STXBP6: variants seen among roughly 807,000 people sequenced by gnomAD.
STXBP6 encodes syntaxin binding protein 6.
Under a neutral mutation model 26.9 loss-of-function variants are expected in STXBP6, and 21 were observed. The observed-to-expected ratio is 0.78, with a 90% CI of 0.55 to 1.12. The LOEUF is 1.12. Ranked by LOEUF, STXBP6 falls within the 50% of genes most tolerant of loss-of-function variation. The pLI is 0.00. For synonymous variants in STXBP6, 97 were observed against 92.6 expected (o/e 1.05, Z -0.27); for missense variants, 232 against 257.9 (o/e 0.90, Z 0.69).
At chr14:24,909,094 T>C (rs1245037391) in intron 2 of STXBP6, among the ~76,000 whole-genome samples, 2 of 152,262 alleles carry the variant, frequency 1.3e-5, no homozygotes, top group African/African-American at 4.8e-5. Context: ...ACAGAGTCAC[T>C]GACGTATTTC....
intron 1 of STXBP6, among the ~76,000 whole-genome samples, chr14:25,017,076 T>C (rs1416976064): frequency 6.6e-6 from 1 of 152,156 alleles, no homozygotes; most frequent in African/African-American, 2.4e-5. Flanking sequence ...AGGTATAAAG[T>C]AGTATCTCTA....
At chr14:24,910,584 A>G (rs80183645) in intron 2 of STXBP6, among the ~76,000 whole-genome samples, 6,305 of 151,944 alleles carry the variant, frequency 0.041, 169 homozygotes, top group Non-Finnish European at 0.059. Flanking sequence ...CTTAAAATCA[A>G]TATCTTTAAG....
chr14:24,920,274 AT>A (rs2071932894), intron 2 of STXBP6, among the ~76,000 whole-genome samples: 1 of 152,124 alleles, frequency 6.6e-6, no homozygotes, highest in African/African-American at 2.4e-5. Context: ...GATTTTAAAA[AT>A]AAAGGTGTGT....
chr14:25,006,223 T>C (rs534044899), intron 1 of STXBP6, among the ~76,000 whole-genome samples: 2 of 152,324 alleles, frequency 1.3e-5, no homozygotes, highest in Non-Finnish European at 2.9e-5. Flanking sequence ...GTCACCCCTT[T>C]GCTGGAATTC....
chr14:24,926,401 G>A (rs10150527), intron 2 of STXBP6, among the ~76,000 whole-genome samples: 39,478 of 151,886 alleles, frequency 0.26, 5,605 homozygotes, highest in African/African-American at 0.39. Context: ...ATCTCTCTCT[G>A]CCATGTAGAA....
rs543038899 is a variant in STXBP6 at position 24,911,178 on chromosome 14, C to CA, written c.155-54022dup. Among the ~76,000 whole-genome samples the CA allele has an allele frequency of 1.1e-3, 164 of 150,496 alleles. No homozygotes were observed. The Middle Eastern group carries it at 0.014, about 12-fold the overall frequency. ...TGTCTCTACAAAAACAAACAAAAAA[C>CA]AAAAAAAAATTATCCAGGCATACTG... On this transcript the variant is annotated intron_variant, in intron 2 of 5. Coordinates refer to ENST00000323944, the MANE Select transcript of STXBP6 (RefSeq NM_001394410.1).
chr14:25,023,713 T>C (rs2075299326), intron 1 of STXBP6, among the ~76,000 whole-genome samples: 1 of 151,974 alleles, frequency 6.6e-6, no homozygotes, highest in South Asian at 2.1e-4. Context: ...GGACAATCAC[T>C]TGAGCCAAGA....
intron 1 of STXBP6, among the ~76,000 whole-genome samples, chr14:24,988,602 T>C (rs1049550864): frequency 6.6e-6 from 1 of 152,200 alleles, no homozygotes; most frequent in Admixed American, 6.5e-5. Flanking sequence ...ATGCAACATT[T>C]CAATAAGCTG....
chr14:24,973,669 G>A (rs778055799), intron 2 of STXBP6, among the ~76,000 whole-genome samples: 2 of 152,052 alleles, frequency 1.3e-5, no homozygotes, highest in East Asian at 1.9e-4. Context: ...TTATAGGCAT[G>A]AGCCACCGCG....
intron 2 of STXBP6, among the ~76,000 whole-genome samples, chr14:24,970,270 T>C (rs1018265475): frequency 6.6e-6 from 1 of 151,922 alleles, no homozygotes; most frequent in Non-Finnish European, 1.5e-5. Context: ...TTCATTGAAA[T>C]TTATTTATAT....
At chr14:24,979,759 T>C (rs558103916) in intron 1 of STXBP6, among the ~76,000 whole-genome samples, 12 of 152,160 alleles carry the variant, frequency 7.9e-5, no homozygotes, top group Non-Finnish European at 8.8e-5. Context: ...GTGGATTTGA[T>C]TTAATATTTC....
chr14:25,016,859 T>C (rs2075160024), intron 1 of STXBP6, among the ~76,000 whole-genome samples: 1 of 152,160 alleles, frequency 6.6e-6, no homozygotes, highest in Non-Finnish European at 1.5e-5. Context: ...TCTAATTACA[T>C]GTGTATTTGG....
At chr14:24,818,724 C>T (rs115171444) in intron 5 of STXBP6, among the ~76,000 whole-genome samples, 2,302 of 152,156 alleles carry the variant, frequency 0.015, 70 homozygotes, top group African/African-American at 0.053. Context: ...TCTCCCCGAC[C>T]CCCTGTTCTG....
At chr14:24,874,418 A>G (rs1043574633) in intron 2 of STXBP6, among the ~76,000 whole-genome samples, 1 of 152,022 alleles carries the variant, frequency 6.6e-6, no homozygotes, top group Admixed American at 6.6e-5. Context: ...AAGAGTGTGG[A>G]AAGCCCCTTG....
intron 2 of STXBP6, among the ~76,000 whole-genome samples, chr14:24,959,948 T>C (rs1260578197): frequency 6.6e-6 from 1 of 152,218 alleles, no homozygotes; most frequent in African/African-American, 2.4e-5. Context: ...AAGTCACAGA[T>C]GTTTACATCT....
chr14:25,001,639 T>C (rs1033511346), intron 1 of STXBP6, among the ~76,000 whole-genome samples: 1 of 152,254 alleles, frequency 6.6e-6, no homozygotes, highest in Non-Finnish European at 1.5e-5. Context: ...TTGTCTATTT[T>C]TTTCCATTAG....
intron 1 of STXBP6, among the ~76,000 whole-genome samples, chr14:24,996,545 T>TA (rs1008304885): frequency 1.3e-5 from 2 of 150,932 alleles, no homozygotes; most frequent in Non-Finnish European, 1.5e-5. Context: ...CTTCTCTCCT[T>TA]AAAAAAAATA....
chr14:25,029,780 T>C (rs1483549825), intron 1 of STXBP6, among the ~76,000 whole-genome samples: 4 of 152,150 alleles, frequency 2.6e-5, no homozygotes, highest in Non-Finnish European at 5.9e-5. Flanking sequence ...GGAAAAAGAA[T>C]GTATAATCCC....
intron 4 of STXBP6, chr14:24,819,467 A>C: frequency 1.7e-6 from 1 of 582,558 alleles, no homozygotes; most frequent in Non-Finnish European, 3.1e-6. Flanking sequence ...TTCTGCCAGT[A>C]TTCTATCTGT....
Sources: allele counts gnomAD v4.1 joint callset (sites outside exome capture counted in the v4.1 genomes callset), GRCh38; gene constraint gnomAD v4.1.1; transcripts MANE v1.5; gene names NCBI Gene and HGNC (gene_info 2026-07-23, HGNC 2026-07-21).